INPP5F: variants seen among roughly 807,000 people sequenced by gnomAD.
The protein encoded by INPP5F is inositol polyphosphate-5-phosphatase F.
Under a neutral mutation model 137.2 loss-of-function variants are expected in INPP5F, and 97 were observed. The observed-to-expected ratio is 0.71, with a 90% CI of 0.60 to 0.84. The LOEUF is 0.84. INPP5F is among the 40% of genes least tolerant of loss of function. INPP5F has a pLI of 0.00. For synonymous variants in INPP5F, 504 were observed against 476.9 expected, an observed-to-expected ratio of 1.06 and a Z score of -0.74; for missense variants, 1,271 against 1,371.9, an observed-to-expected ratio of 0.93 and a Z score of 1.16.
At chr10:119,810,263 G>T (rs780431896) in intron 14 of INPP5F, 46 bp downstream of exon 14, 1 of 1,008,082 alleles carries the variant, frequency 9.9e-7, no homozygotes, top group Non-Finnish European at 1.6e-6. Flanking sequence ...TATGTCTTCT[G>T]TGACTAATAT....
At chr10:119,744,782 G>A (rs1476707028) in intron 1 of INPP5F, among the ~76,000 whole-genome samples, 1 of 152,138 alleles carries the variant, frequency 6.6e-6, no homozygotes, top group Non-Finnish European at 1.5e-5. Flanking sequence ...CTGACCTCAA[G>A]TAATCATCCT....
At position 119,827,024 on chromosome 10, in the gene INPP5F, T is replaced by C. The variant is rs142254062; in HGVS notation, c.2643T>C (p.Ser881=). 1,197 of 1,613,856 alleles carry C rather than the reference T, an allele frequency of 7.4e-4. No individual in the cohort carries two copies. Among genetic ancestry groups the C allele is most frequent in the Non-Finnish European group, 9.7e-4 (1,141 of 1,179,972 alleles). Residue 881 remains serine, a synonymous_variant, in exon 20 of 20, where the codon AGT becomes AGC. Coordinates refer to ENST00000650623, the MANE Select transcript of INPP5F (RefSeq NM_014937.4). ...GGCAGCTAGCTAACTCATTAGAGAGTGTAGGGCCAATAGATTACGTTCTTC... is the reference window on the plus strand; with the variant it reads ...GGCAGCTAGCTAACTCATTAGAGAGCGTAGGGCCAATAGATTACGTTCTTC... ...EDRQLANSLE[S]VGPIDYVLPS...
intron 3 of INPP5F, among the ~76,000 whole-genome samples, chr10:119,784,142 A>G (rs1230901042): frequency 6.6e-6 from 1 of 152,226 alleles, no homozygotes; most frequent in Non-Finnish European, 1.5e-5. Flanking sequence ...CTTGGTATCT[A>G]TTTCAATTTC....
intron 3 of INPP5F, among the ~76,000 whole-genome samples, chr10:119,788,885 G>C (rs1325013916): frequency 2.0e-5 from 3 of 152,204 alleles, no homozygotes; most frequent in Non-Finnish European, 4.4e-5. Context: ...GCGGACCTTT[G>C]ATAGATTCCT....
chr10:119,786,105 T>G (rs1432614447), intron 3 of INPP5F, among the ~76,000 whole-genome samples: 2 of 152,222 alleles, frequency 1.3e-5, no homozygotes, highest in African/African-American at 2.4e-5. Context: ...AGGTACCAGC[T>G]TTTCACATAA....
rs1210174763 is a variant in INPP5F, at chr10:119,827,035, T to C, written c.2654T>C (p.Ile885Thr). 1 of 1,614,032 alleles carries C rather than the reference T, an allele frequency of 6.2e-7. No individual in the cohort carries two copies. The highest frequency in any genetic ancestry group is 1.7e-5 in the Admixed American group (1 of 60,010). ...AACTCATTAGAGAGTGTAGGGCCAA[T>C]AGATTACGTTCTTCCTAGTTGTGGT... ...LANSLESVGPIDYVLPSCGII... is the reference protein window; with the variant it reads ...LANSLESVGPTDYVLPSCGII... The change falls in exon 20 of 20, where the codon ATA becomes ACA. Residue 885 changes from isoleucine (I) to threonine (T), a missense_variant. Ile to Thr is a moderately conservative substitution (Grantham distance 89, BLOSUM62 -1). Transcript: ENST00000650623.
chr10:119,828,259 T>G lies in INPP5F; in HGVS notation c.*479T>G, dbSNP rs1851851471. ...ACTGAAGCATTTGAATATAAAGCTATTTTAGTTTTGATGGCTTAACTGTTC... is the reference window on the plus strand; with the variant it reads ...ACTGAAGCATTTGAATATAAAGCTAGTTTAGTTTTGATGGCTTAACTGTTC... On this transcript the variant is annotated 3_prime_UTR_variant, in exon 20 of 20. Transcript: ENST00000650623. The G allele has an allele frequency of 6.5e-6, 1 of 153,816 alleles. No individual in the cohort carries two copies. Among genetic ancestry groups the G allele is most frequent in the Admixed American group, 6.4e-5 (1 of 15,536 alleles). The allele number at this position is 153,816 out of a possible 1,614,324, so 9.5% of individuals were successfully genotyped here. A position where few individuals can be genotyped will look rare whatever the true frequency, so the allele number is the denominator to read the frequency against.
chr10:119,806,815 T>C (rs1224653515), intron 12 of INPP5F, among the ~76,000 whole-genome samples: 4 of 151,876 alleles, frequency 2.6e-5, no homozygotes, highest in African/African-American at 9.7e-5. Context: ...GCATTTCTTT[T>C]TTTTTTTTTT....
intron 14 of INPP5F, among the ~76,000 whole-genome samples, chr10:119,811,282 T>C (rs1851018640): frequency 6.6e-6 from 1 of 152,176 alleles, no homozygotes; most frequent in Admixed American, 6.5e-5. Flanking sequence ...TGAAGCCTCC[T>C]CGAGTGTCAT....
In INPP5F at chr10:119,827,996, T is replaced by C; in HGVS notation, c.*216T>C. On this transcript the variant is annotated 3_prime_UTR_variant, in exon 20 of 20. Coordinates refer to ENST00000650623, the MANE Select transcript of INPP5F (RefSeq NM_014937.4). ...AGAATGTGTAGACCTGAGTAGCTTA[T>C]ACACTACAGAGCACTTTGCTTATTT... The C allele has an allele frequency of 2.0e-6, 1 of 490,048 alleles. No homozygotes were observed. Among genetic ancestry groups the C allele is most frequent in the South Asian group, 2.4e-5 (1 of 42,096 alleles). The allele number at this position is 490,048 out of a possible 1,614,324, so 30.4% of individuals were successfully genotyped here. A position where few individuals can be genotyped will look rare whatever the true frequency, so the allele number is the denominator to read the frequency against.
At position 119,787,361 on chromosome 10, in the gene INPP5F, G is replaced by C. The variant is rs978154849; in HGVS notation, c.316-4156G>C. 1.3e-5 allele frequency among the ~76,000 whole-genome samples: 2 copies of C among 152,160 alleles called. No individual in the cohort carries two copies. The highest frequency in any genetic ancestry group is 4.8e-5 in the African/African-American group (2 of 41,442). Reference sequence around the variant, plus strand: ...ACACTTTGAGAGGCCGAGGCAAGCAGATAACTTGAGGTCAGGAGTTCAAGA... The same window carrying C: ...ACACTTTGAGAGGCCGAGGCAAGCACATAACTTGAGGTCAGGAGTTCAAGA... On this transcript the variant is annotated intron_variant, in intron 3 of 19. Transcript: ENST00000650623. The surrounding 1 kb of genome is among the most constrained non-coding windows in gnomAD (Gnocchi z 4.1).
intron 1 of INPP5F, among the ~76,000 whole-genome samples, chr10:119,726,807 A>C (rs958609839): frequency 6.6e-6 from 1 of 152,138 alleles, no homozygotes; most frequent in Non-Finnish European, 1.5e-5. Flanking sequence ...TCTGCTGGAC[A>C]CTCACTCCCT....
rs200162626 is a variant in INPP5F at position 119,823,171 on chromosome 10, A to C, written c.2133A>C (p.Val711=). 19 of 1,614,094 alleles carry C rather than the reference A, an allele frequency of 1.2e-5. No individual in the cohort carries two copies. The highest frequency in any genetic ancestry group is 3.4e-6 in the Non-Finnish European group (4 of 1,179,962). ...ASGYFHTLRA[V]MRNPEEDGKD... ...GCTATTTCCACACATTGCGAGCTGT[A>C]ATGCGTAATCCTGAAGAGGATGGAA... The change falls in exon 18 of 20, where the codon GTA becomes GTC. Residue 711 remains valine, a synonymous_variant. Transcript: ENST00000650623.
At position 119,820,863 on chromosome 10, in the gene INPP5F, A is replaced by G; in HGVS notation, c.1904A>G (p.His635Arg). ...DCDPSLIDAT[H>R]RDVDVLLLLS... is the part of the protein sequence containing the mutation. ...TTGTTTAGCCTCATTGATGCTACTC[A>G]CAGAGACGTGGATGTGCTGTTACTG... is the stretch of plus-strand genomic sequence containing the variant. The change falls in exon 16 of 20, where the codon CAC becomes CGC. Residue 635 changes from histidine (H) to arginine (R), a missense_variant. Transcript: ENST00000650623. The G allele has an allele frequency of 1.2e-6, 2 of 1,610,916 alleles. No individual in the cohort carries two copies. Among genetic ancestry groups the G allele is most frequent in the East Asian group, 2.2e-5 (1 of 44,858 alleles).
chr10:119,757,398 G>A (rs1333412484), intron 2 of INPP5F, among the ~76,000 whole-genome samples: 1 of 151,878 alleles, frequency 6.6e-6, no homozygotes, highest in African/African-American at 2.4e-5. Context: ...ACAGAAAGTA[G>A]GAGGGATGTG....
At chr10:119,738,287 TTGA>T (rs1478838256) in intron 1 of INPP5F, among the ~76,000 whole-genome samples, 35 of 152,250 alleles carry the variant, frequency 2.3e-4, no homozygotes, top group African/African-American at 8.0e-4. Context: ...ATAGATAACG[TTGA>T]TGATCTTAAA....
chr10:119,752,410 C>T (rs1402554014), intron 2 of INPP5F, among the ~76,000 whole-genome samples: 1 of 151,966 alleles, frequency 6.6e-6, no homozygotes, highest in South Asian at 2.1e-4. Flanking sequence ...CATGGAGAAA[C>T]CCTGTCTCTA....
In INPP5F at chr10:119,805,368, T is replaced by C. The variant is rs1216656919; in HGVS notation, c.1242-16T>C. On this transcript the variant is annotated splice_polypyrimidine_tract_variant and intron_variant, in intron 10 of 19. Transcript: ENST00000650623. ...TTAAATTAAAGATTTTTTCTTTCTT[T>C]TGGCATGGATTTTAGCCGAGGAATG... The C allele has an allele frequency of 3.8e-6, 6 of 1,599,678 alleles. 1 individual carries two copies. In the South Asian group the frequency reaches 4.4e-5, roughly 12 times the overall value.
chr10:119,777,150 C>T (rs1168316896), intron 2 of INPP5F, among the ~76,000 whole-genome samples: 2 of 152,066 alleles, frequency 1.3e-5, no homozygotes, highest in African/African-American at 4.8e-5. Context: ...CCTTCTCAGC[C>T]CCCCAAAGTG....
Sources: gnomAD v4.1 joint callset for allele counts (sites outside exome capture counted in the v4.1 genomes callset) on GRCh38, gnomAD v4.1.1 for gene constraint, Gnocchi (gnomAD v3.1) non-coding constraint, MANE v1.5 for transcripts, NCBI Gene and HGNC (gene_info 2026-07-23, HGNC 2026-07-21) for gene names.